PRH1: variants seen among roughly 807,000 people sequenced by gnomAD.
The protein encoded by PRH1 is salivary acidic proline-rich phosphoprotein 1/2.
A neutral mutation model predicts 7.9 loss-of-function variants in PRH1; 7 were observed. The observed-to-expected ratio is 0.89, with a 90% CI of 0.50 to 1.67. The LOEUF is 1.67. PRH1 is among the 40% of genes most tolerant of loss of function. The probability of loss-of-function intolerance (pLI) is 0.00; values close to 1 mark genes in which losing one functional copy is unlikely to be tolerated. For missense variants in PRH1, 109 were observed against 223.6 expected (o/e 0.49, Z 3.27); for synonymous variants, 45 against 80.8 (o/e 0.56, Z 2.38).
At chr12:11,061,235 G>T in intron 1 of PRH1, 2 of 1,359,688 alleles carry the variant, frequency 1.5e-6, no homozygotes, top group East Asian at 2.3e-5. Context: ...TTAGGTAAAA[G>T]ACTTTTCTAG....
At position 11,096,645 on chromosome 12, in the gene PRH1, C is replaced by T. The variant is rs1158522503; in HGVS notation, n.124-49457G>A. On this transcript the variant is annotated intron_variant and non_coding_transcript_variant, in intron 1 of 4. Coordinates refer to the PRH1 transcript ENST00000541977. ...TAGCTTTTTTTGGATAGTAGCTTATCTGTTGCTGGGTCATCACCACAAACT... is the reference window on the plus strand; with the variant it reads ...TAGCTTTTTTTGGATAGTAGCTTATTTGTTGCTGGGTCATCACCACAAACT... 8.7e-5 allele frequency among the ~76,000 whole-genome samples: 10 copies of T among 115,318 alleles called. 2 individuals carry two copies. Among genetic ancestry groups the T allele is most frequent in the Non-Finnish European group, 1.6e-4 (8 of 48,854 alleles). 75.7% of individuals were successfully genotyped at this position (115,318 alleles called of 152,430 possible). A position where few individuals can be genotyped will look rare whatever the true frequency, so the allele number is the denominator to read the frequency against.
chr12:11,016,620 C>A (rs1232579239), intron 1 of PRH1, among the ~76,000 whole-genome samples: 1 of 152,214 alleles, frequency 6.6e-6, no homozygotes, highest in Non-Finnish European at 1.5e-5. Flanking sequence ...GGACTGCGGG[C>A]ATGAGCCATC....
chr12:10,881,185 A>G (rs139080727), intron 3 of PRH1, 129 bp from the exon 4 acceptor site: 1 of 153,830 alleles, frequency 6.5e-6, no homozygotes, highest in African/African-American at 2.4e-5. Flanking sequence ...TATCCCTTCT[A>G]CAGCCCCCTT....
In PRH1 at chr12:11,096,306, C is replaced by A. The variant is rs1278105681; in HGVS notation, n.124-49118G>T. Among the ~76,000 whole-genome samples, 5 of 115,166 alleles carry A rather than the reference C, an allele frequency of 4.3e-5. 1 individual carries two copies. In the Admixed American group the frequency reaches 4.4e-4, roughly 10 times the overall value. The allele number at this position is 115,166 out of a possible 152,430, so 75.6% of individuals were successfully genotyped here. The stretch of plus-strand genomic sequence containing the variant: ...GTAGTTATCTTCCAATTCACTAATT[C>A]TTTCTTATGTTTAACTGGTTGTTAA... On this transcript the variant is annotated intron_variant and non_coding_transcript_variant, in intron 1 of 4. Transcript: ENST00000541977.
chr12:10,986,882 G>T, intron 1 of PRH1: 1 of 1,451,390 alleles, frequency 6.9e-7, no homozygotes, highest in South Asian at 1.5e-5. Context: ...AAAAAAGAAA[G>T]AAAATGCAAG....
At chr12:11,019,468 A>C (rs1941477317) in intron 1 of PRH1, among the ~76,000 whole-genome samples, 1 of 152,308 alleles carries the variant, frequency 6.6e-6, no homozygotes, top group Middle Eastern at 3.2e-3. Context: ...CCAAAAGCTA[A>C]GATATACATT....
chr12:10,986,928 G>T, intron 1 of PRH1: 1 of 1,145,832 alleles, frequency 8.7e-7, no homozygotes, highest in African/African-American at 1.6e-5. Context: ...TTAATACTCT[G>T]ACCTTAAATT....
chr12:10,901,833 A>G (rs1224587879), intron 2 of PRH1, among the ~76,000 whole-genome samples: 2 of 152,118 alleles, frequency 1.3e-5, no homozygotes, highest in East Asian at 3.9e-4. Flanking sequence ...AAAAAGAACA[A>G]TAATATTATA....
chr12:10,997,616 G>A (rs1471192301), intron 1 of PRH1: 4 of 1,613,708 alleles, frequency 2.5e-6, no homozygotes, highest in Non-Finnish European at 3.4e-6. Flanking sequence ...TACTGCCCAG[G>A]CATTAGAAAT....
At chr12:11,089,570 C>T (rs1355286949) in intron 1 of PRH1, among the ~76,000 whole-genome samples, 2 of 135,862 alleles carry the variant, frequency 1.5e-5, no homozygotes, top group African/African-American at 5.2e-5. Context: ...CACGTCCTTG[C>T]CATTTTTGTC....
At chr12:11,133,456 GA>G (rs779707636) in intron 1 of PRH1, 15 of 1,614,102 alleles carry the variant, frequency 9.3e-6, no homozygotes, top group Non-Finnish European at 1.3e-5. Flanking sequence ...TAGCTTGGCA[GA>G]ACATGAAGAC....
chr12:11,074,410 C>G (rs1397102404), intron 1 of PRH1, among the ~76,000 whole-genome samples: 1 of 132,748 alleles, frequency 7.5e-6, no homozygotes, highest in Non-Finnish European at 1.7e-5. Flanking sequence ...CTCCACATCC[C>G]CTCCTAATGG....
chr12:10,903,498 C>T (rs1591661990), intron 2 of PRH1, among the ~76,000 whole-genome samples: 1 of 150,566 alleles, frequency 6.6e-6, no homozygotes, highest in Non-Finnish European at 1.5e-5. Flanking sequence ...AAAAAACGCT[C>T]AAATAATTAG....
chr12:10,989,993 T>C (rs985553992), intron 1 of PRH1, among the ~76,000 whole-genome samples: 2 of 152,180 alleles, frequency 1.3e-5, no homozygotes, highest in Non-Finnish European at 2.9e-5. Flanking sequence ...TCTGAAAATA[T>C]ACGGATGTCT....
intron 1 of PRH1, among the ~76,000 whole-genome samples, chr12:11,038,239 T>C (rs1176290034): frequency 1.3e-5 from 2 of 152,210 alleles, no homozygotes; most frequent in Non-Finnish European, 2.9e-5. Context: ...AACATACACA[T>C]AGAGAGTAAT....
intron 2 of PRH1, among the ~76,000 whole-genome samples, chr12:10,972,886 C>A (rs1031686678): frequency 6.7e-6 from 1 of 148,550 alleles, no homozygotes; most frequent in Non-Finnish European, 1.5e-5. Flanking sequence ...CTCTGTATAA[C>A]CTTATTGGTA....
intron 1 of PRH1, among the ~76,000 whole-genome samples, chr12:11,111,868 G>T: frequency 6.6e-6 from 1 of 152,108 alleles, no homozygotes; most frequent in East Asian, 1.9e-4. Context: ...CCAGGAGCTG[G>T]TTTTTTGAAA....
At chr12:10,896,593 C>T (rs952947949) in intron 2 of PRH1, among the ~76,000 whole-genome samples, 1 of 151,930 alleles carries the variant, frequency 6.6e-6, no homozygotes, top group Non-Finnish European at 1.5e-5. Flanking sequence ...GAAACCCTGT[C>T]TCTACTAAAA....
At position 11,150,983 on chromosome 12, in the gene PRH1, G is replaced by A. The variant is rs1947063399; in HGVS notation, n.39+20439C>T. ...TCAGAGAGGTGGTTTCTCTTTTGAG[G>A]AGTCTCACTGAGCTGTGACAGGCCT... On this transcript the variant is annotated intron_variant and non_coding_transcript_variant, in intron 1 of 1. Coordinates refer to the PRH1 transcript ENST00000541175. Among the ~76,000 whole-genome samples the A allele has an allele frequency of 2.0e-5, 3 of 152,106 alleles. 1 individual carries two copies. In the South Asian group the frequency reaches 6.2e-4, roughly 32 times the overall value.
Sources: gnomAD v4.1 joint callset for allele counts (sites outside exome capture counted in the v4.1 genomes callset) on GRCh38, gnomAD v4.1.1 for gene constraint, MANE v1.5 for transcripts, NCBI Gene and HGNC (gene_info 2026-07-23, HGNC 2026-07-21) for gene names.